SLC9D1: variants seen among roughly 807,000 people sequenced by gnomAD.
SLC9D1 encodes solute carrier family 9 member D1.
the SLC9D1 span, chr13:113,548,170 C>T: frequency 1.0e-6 from 1 of 980,744 alleles, no homozygotes; most frequent in Admixed American, 2.6e-5. Context: ...TGCTTCTGTG[C>T]CTTTCCCTAC....
the SLC9D1 span, among the ~76,000 whole-genome samples, chr13:113,522,546 T>TAGCC: frequency 6.6e-6 from 1 of 152,200 alleles, no homozygotes; most frequent in East Asian, 1.9e-4. Flanking sequence ...TCCACTGTGT[T>TAGCC]AGCCAGGATG....
chr13:113,503,974 A>G, the SLC9D1 span: 2 of 167,214 alleles, frequency 1.2e-5, no homozygotes, highest in Middle Eastern at 2.8e-3. Flanking sequence ...ATTAAAAGAC[A>G]CTTTGTTTTT....
chr13:113,546,141 C>G, the SLC9D1 span, among the ~76,000 whole-genome samples: 1 of 152,124 alleles, frequency 6.6e-6, no homozygotes, highest in Non-Finnish European at 1.5e-5. The surrounding 1 kb of genome is among the most constrained non-coding windows in gnomAD (Gnocchi z 7.1). Context: ...TCAGTTGTGC[C>G]GGCGTGGACA....
the SLC9D1 span, among the ~76,000 whole-genome samples, chr13:113,533,212 C>A: frequency 1.3e-5 from 2 of 152,324 alleles, no homozygotes; most frequent in Non-Finnish European, 1.5e-5. Context: ...AATGATGCTC[C>A]TTCACAGCTG....
At chr13:113,544,031 G>A in the SLC9D1 span, among the ~76,000 whole-genome samples, 16 of 152,222 alleles carry the variant, frequency 1.1e-4, no homozygotes, top group Non-Finnish European at 2.1e-4. Context: ...CGCTTCAGAC[G>A]GCACCTTTGC....
chr13:113,503,572 C>T, the SLC9D1 span: 2 of 1,612,986 alleles, frequency 1.2e-6, no homozygotes, highest in South Asian at 1.1e-5. Flanking sequence ...GAATTTTCTC[C>T]AGAAAAGCTA....
At chr13:113,499,412 C>T in the SLC9D1 span, among the ~76,000 whole-genome samples, 1 of 152,226 alleles carries the variant, frequency 6.6e-6, no homozygotes, top group Non-Finnish European at 1.5e-5. Context: ...TCATTTTACC[C>T]TGCTCATATT....
chr13:113,510,705 A>G, the SLC9D1 span, among the ~76,000 whole-genome samples: 3 of 152,346 alleles, frequency 2.0e-5, no homozygotes, highest in Admixed American at 6.5e-5. Flanking sequence ...TTGAAAAACC[A>G]GTCAGCACTG....
the SLC9D1 span, among the ~76,000 whole-genome samples, chr13:113,509,643 G>C: frequency 6.6e-6 from 1 of 152,236 alleles, no homozygotes; most frequent in Non-Finnish European, 1.5e-5. Context: ...CATGCAGTGA[G>C]GAGAAAAAAA....
At chr13:113,522,269 A>T in the SLC9D1 span, among the ~76,000 whole-genome samples, 1 of 152,210 alleles carries the variant, frequency 6.6e-6, no homozygotes, top group African/African-American at 2.4e-5. Flanking sequence ...TTTATGATGA[A>T]TGGGTGGTGG....
chr13:113,517,378 G>A, the SLC9D1 span, among the ~76,000 whole-genome samples: 544 of 152,102 alleles, frequency 3.6e-3, 2 homozygotes, highest in Non-Finnish European at 6.1e-3. Context: ...GACTACAGGC[G>A]CCCGCCACCA....
the SLC9D1 span, chr13:113,501,906 G>A: frequency 6.3e-7 from 1 of 1,580,426 alleles, no homozygotes; most frequent in Non-Finnish European, 8.7e-7. Context: ...GATTGTTTTG[G>A]TATCTGTTTA....
the SLC9D1 span, chr13:113,527,296 T>C: frequency 6.6e-6 from 1 of 152,264 alleles, no homozygotes; most frequent in Non-Finnish European, 1.5e-5. Flanking sequence ...GATGTTCCCA[T>C]CTATCTTCTG....
At chr13:113,495,891 A>G in the SLC9D1 span, 1 of 1,614,212 alleles carries the variant, frequency 6.2e-7, no homozygotes, top group Non-Finnish European at 8.5e-7. Flanking sequence ...GAAAGAGCTG[A>G]ATGAAAGTGA....
the SLC9D1 span, among the ~76,000 whole-genome samples, chr13:113,495,302 C>G: frequency 6.6e-6 from 1 of 152,212 alleles, no homozygotes; most frequent in African/African-American, 2.4e-5. Flanking sequence ...CAGCCCTTCA[C>G]AAAGCACCAT....
the SLC9D1 span, among the ~76,000 whole-genome samples, chr13:113,539,751 G>C: frequency 6.6e-6 from 1 of 152,060 alleles, no homozygotes; most frequent in Non-Finnish European, 1.5e-5. The surrounding 1 kb of genome is among the most constrained non-coding windows in gnomAD (Gnocchi z 4.8). Context: ...CTCAGGGTAC[G>C]TGTGTGGGTC....
the SLC9D1 span, chr13:113,534,127 G>A: frequency 6.3e-7 from 1 of 1,599,594 alleles, no homozygotes; most frequent in Non-Finnish European, 8.5e-7. Flanking sequence ...TTTATGTCTT[G>A]TTATAAAGAA....
chr13:113,497,362 GC>G, the SLC9D1 span, among the ~76,000 whole-genome samples: 1 of 151,556 alleles, frequency 6.6e-6, no homozygotes, highest in Admixed American at 6.6e-5. Flanking sequence ...TGTGAGACCT[GC>G]AGCTGTGTGT....
chr13:113,540,783 C>T, the SLC9D1 span, among the ~76,000 whole-genome samples: 1 of 152,218 alleles, frequency 6.6e-6, no homozygotes, highest in African/African-American at 2.4e-5. Context: ...TTGTAGTCTT[C>T]TTCATGAAAC....
Sources: allele counts gnomAD v4.1 joint callset (sites outside exome capture counted in the v4.1 genomes callset), GRCh38; gene constraint gnomAD v4.1.1; non-coding constraint Gnocchi (gnomAD v3.1); transcripts MANE v1.5; gene names NCBI Gene and HGNC (gene_info 2026-07-23, HGNC 2026-07-21).